Variants in ZNF740 observed in about 807,000 individuals in gnomAD.
ZNF740 encodes the protein oriLyt TD-element-binding protein 7.
Under a neutral mutation model 24.8 loss-of-function variants are expected in ZNF740, and 14 were observed. That is an observed-to-expected ratio of 0.56 (90% CI 0.37 to 0.88). ZNF740 has a LOEUF of 0.88. Among genes scored for constraint, ZNF740 ranks in the 40% least tolerant of loss-of-function variants. The pLI, the probability that ZNF740 is intolerant of heterozygous loss-of-function variation, is 0.00. For missense variants in ZNF740, 201 were observed against 247.9 expected, an observed-to-expected ratio of 0.81 and a Z score of 1.27; for synonymous variants, 69 against 84.0, an observed-to-expected ratio of 0.82 and a Z score of 0.98.
intron 1 of ZNF740, chr12:53,181,253 G>A: frequency 2.0e-6 from 2 of 985,458 alleles, no homozygotes; most frequent in Non-Finnish European, 2.4e-6. Flanking sequence ...GAACGCACAC[G>A]TGTGGGCACT....
chr12:53,184,114 GGTGTGT>G (rs754768891), intron 2 of ZNF740, among the ~76,000 whole-genome samples: 2,904 of 123,560 alleles, frequency 0.024, 44 homozygotes, highest in Middle Eastern at 0.04. Flanking sequence ...GAAGCTAAGG[GGTGTGT>G]GTGTGTGTGT....
chr12:53,184,447 A>G (rs1435214890), intron 2 of ZNF740, among the ~76,000 whole-genome samples: 1 of 152,012 alleles, frequency 6.6e-6, no homozygotes, highest in Non-Finnish European at 1.5e-5. Flanking sequence ...CATTCTCCCA[A>G]AGTGCTGGGA....
At chr12:53,183,235 G>A (rs188440717) in intron 2 of ZNF740, among the ~76,000 whole-genome samples, 14 of 152,272 alleles carry the variant, frequency 9.2e-5, no homozygotes, top group Non-Finnish European at 1.6e-4. Flanking sequence ...AGCGTTTTAC[G>A]TCTTAGTTTA....
chr12:53,193,937 C>T lies in ZNF740; in HGVS notation c.*6347C>T, dbSNP rs937104628. The T allele has an allele frequency of 1.3e-6, 2 of 1,562,736 alleles. No individual in the cohort carries two copies. Among genetic ancestry groups the T allele is most frequent in the African/African-American group, 1.4e-5 (1 of 73,210 alleles). ...GCAGGAATCAGGCCATGGTTATACACATGCACACACACATACCCCAAACTC... is the reference window on the plus strand; with the variant it reads ...GCAGGAATCAGGCCATGGTTATACATATGCACACACACATACCCCAAACTC... On this transcript the variant is annotated 3_prime_UTR_variant, in exon 7 of 7. Transcript: ENST00000416904.
Position 53,187,557 on chromosome 12 carries a change from G to A in ZNF740, c.549G>A (p.Gln183=). 6.2e-7 allele frequency: 1 copy of A among 1,614,036 alleles called. No individual in the cohort carries two copies. The highest frequency in any genetic ancestry group is 1.1e-5 in the South Asian group (1 of 91,088). Residue 183 remains glutamine (Q), a synonymous_variant, in exon 7 of 7, where the codon CAG becomes CAA. Transcript: ENST00000416904. The part of the protein sequence containing the change: ...LRHKRMCQGC[Q]SKTSDGQFSL ...ACAAACGGATGTGCCAAGGGTGCCAGTCCAAGACTTCCGACGGGCAGTTTT... is the reference window on the plus strand; with the variant it reads ...ACAAACGGATGTGCCAAGGGTGCCAATCCAAGACTTCCGACGGGCAGTTTT...
chr12:53,182,582 A>G (rs188911208), intron 2 of ZNF740, among the ~76,000 whole-genome samples: 5 of 152,224 alleles, frequency 3.3e-5, no homozygotes, highest in Admixed American at 6.5e-5. Flanking sequence ...TGGATAGAAA[A>G]AGAAGATGGA....
rs139168156 is a variant in ZNF740, at chr12:53,191,038, G to A, written c.*3448G>A. 513 of 176,398 alleles carry A rather than the reference G, an allele frequency of 2.9e-3. 8 individuals carry two copies. Among genetic ancestry groups the A allele is most frequent in the Non-Finnish European group, 8.8e-4 (71 of 80,798 alleles). The allele number at this position is 176,398 out of a possible 1,614,324, so 10.9% of individuals were successfully genotyped here. ...ACAGGGCATCAGTTCTGAGCAAGAC[G>A]AAAAAGCACACGCAGCAGGACGGAA... On this transcript the variant is annotated 3_prime_UTR_variant, in exon 7 of 7. Transcript: ENST00000416904.
Position 53,193,001 on chromosome 12 carries a change from T to C in ZNF740, c.*5411T>C. On this transcript the variant is annotated 3_prime_UTR_variant, in exon 7 of 7. Transcript: ENST00000416904. Reference sequence around the variant, plus strand: ...CGACAAGCCCACGCATCCAATCTTTTTGAAGTATGCCAACCACACCCTCTA... The same window carrying C: ...CGACAAGCCCACGCATCCAATCTTTCTGAAGTATGCCAACCACACCCTCTA... 1.4e-6 allele frequency: 2 copies of C among 1,416,038 alleles called. No individual in the cohort carries two copies. Among genetic ancestry groups the C allele is most frequent in the South Asian group, 1.2e-5 (1 of 82,304 alleles). The allele number at this position is 1,416,038 out of a possible 1,614,324, so 87.7% of individuals were successfully genotyped here. A position where few individuals can be genotyped will look rare whatever the true frequency, so the allele number is the denominator to read the frequency against.
intron 2 of ZNF740, 122 bp downstream of exon 2, chr12:53,182,114 C>G: frequency 1.5e-6 from 2 of 1,376,306 alleles, no homozygotes; most frequent in African/African-American, 2.9e-5. Flanking sequence ...TATTAAGCAC[C>G]AGGGGGAGAT....
intron 2 of ZNF740, 125 bp from the exon 3 acceptor site, chr12:53,184,766 G>A: frequency 1.8e-6 from 2 of 1,130,096 alleles, no homozygotes; most frequent in South Asian, 3.0e-5. Flanking sequence ...TTGGCAGTGA[G>A]GAGGGACATT....
chr12:53,191,670 T>C lies in ZNF740; in HGVS notation c.*4080T>C, dbSNP rs1941949140. ...AGATGTTGCAGATTATAAGCAAAAATCCCAGGATTCCTCGTCCCCTTTCTA... is the reference window on the plus strand; with the variant it reads ...AGATGTTGCAGATTATAAGCAAAAACCCCAGGATTCCTCGTCCCCTTTCTA... On this transcript the variant is annotated 3_prime_UTR_variant, in exon 7 of 7. Coordinates refer to ENST00000416904, the MANE Select transcript of ZNF740 (RefSeq NM_001004304.4). 1 of 1,588,064 alleles carries C rather than the reference T, an allele frequency of 6.3e-7. No homozygotes were observed. The highest frequency in any genetic ancestry group is 1.3e-5 in the African/African-American group (1 of 74,438).
rs59250662 is a variant in ZNF740 at position 53,184,150 on chromosome 12, T to TGTGTGCGCGCGCGC, written c.10-740_10-739insTGTGCGCGCGCGCG. 3.3e-4 allele frequency among the ~76,000 whole-genome samples: 34 copies of TGTGTGCGCGCGCGC among 104,422 alleles called. 1 individual carries two copies. Among genetic ancestry groups the TGTGTGCGCGCGCGC allele is most frequent in the African/African-American group, 1.2e-3 (31 of 26,778 alleles). The allele number at this position is 104,422 out of a possible 152,430, so 68.5% of individuals were successfully genotyped here. On this transcript the variant is annotated intron_variant, in intron 2 of 6. Coordinates refer to ENST00000416904, the MANE Select transcript of ZNF740 (RefSeq NM_001004304.4). ...GTGTGTGTGTGTGTGTGTGTGTGTG[T>TGTGTGCGCGCGCGC]GCGCGCGCGCGCTCTGAAGCTAAGG...
In ZNF740 at chr12:53,193,261, G is replaced by A; in HGVS notation, c.*5671G>A. On this transcript the variant is annotated 3_prime_UTR_variant, in exon 7 of 7. Coordinates refer to ENST00000416904, the MANE Select transcript of ZNF740 (RefSeq NM_001004304.4). Reference sequence around the variant, plus strand: ...GACAGTGACCCTTTCCACTGCACAGGGGCCCTGTGCCATTGGGAGCCCGGC... The same window carrying A: ...GACAGTGACCCTTTCCACTGCACAGAGGCCCTGTGCCATTGGGAGCCCGGC... 1 of 1,614,074 alleles carries A rather than the reference G, an allele frequency of 6.2e-7. No homozygotes were observed. The highest frequency in any genetic ancestry group is 8.5e-7 in the Non-Finnish European group (1 of 1,179,940).
Position 53,184,150 on chromosome 12 carries a change from T to TGTGTGTGTGTGTGCGC in ZNF740, c.10-740_10-739insTGTGTGTGTGTGCGCG, listed in dbSNP as rs59250662. 7.9e-4 allele frequency among the ~76,000 whole-genome samples: 82 copies of TGTGTGTGTGTGTGCGC among 104,414 alleles called. 1 individual carries two copies. Among genetic ancestry groups the TGTGTGTGTGTGTGCGC allele is most frequent in the South Asian group, 3.0e-3 (10 of 3,326 alleles). The allele number at this position is 104,414 out of a possible 152,430, so 68.5% of individuals were successfully genotyped here. Reference sequence around the variant, plus strand: ...GTGTGTGTGTGTGTGTGTGTGTGTGTGCGCGCGCGCGCTCTGAAGCTAAGG... The same window carrying TGTGTGTGTGTGTGCGC: ...GTGTGTGTGTGTGTGTGTGTGTGTGTGTGTGTGTGTGTGCGCGCGCGCGCGCGCTCTGAAGCTAAGG... On this transcript the variant is annotated intron_variant, in intron 2 of 6. Coordinates refer to ENST00000416904, the MANE Select transcript of ZNF740 (RefSeq NM_001004304.4).
chr12:53,193,823 A>G lies in ZNF740; in HGVS notation c.*6233A>G. 6.2e-7 allele frequency: 1 copy of G among 1,614,086 alleles called. No individual in the cohort carries two copies. Among genetic ancestry groups the G allele is most frequent in the African/African-American group, 1.3e-5 (1 of 74,994 alleles). On this transcript the variant is annotated 3_prime_UTR_variant, in exon 7 of 7. Coordinates refer to ENST00000416904, the MANE Select transcript of ZNF740 (RefSeq NM_001004304.4). Reference sequence around the variant, plus strand: ...TGCAACTCCACAATCAGCTCCTCTGAGAAGCCAAGGGCCCGGAGCCTCAGG... The same window carrying G: ...TGCAACTCCACAATCAGCTCCTCTGGGAAGCCAAGGGCCCGGAGCCTCAGG...
chr12:53,195,119 A>G lies in ZNF740; in HGVS notation c.*7529A>G. The G allele has an allele frequency of 1.9e-6, 1 of 525,636 alleles. No individual in the cohort carries two copies. Among genetic ancestry groups the G allele is most frequent in the East Asian group, 3.2e-5 (1 of 31,696 alleles). 32.6% of individuals were successfully genotyped at this position (525,636 alleles called of 1,614,324 possible). A position where few individuals can be genotyped will look rare whatever the true frequency, so the allele number is the denominator to read the frequency against. ...ACCTAGGATGGTGGGCGCATGAAAT[A>G]AAAGCTCAGTGATTGAAACTTTCCT... On this transcript the variant is annotated 3_prime_UTR_variant, in exon 7 of 7. Coordinates refer to ENST00000416904, the MANE Select transcript of ZNF740 (RefSeq NM_001004304.4).
In ZNF740 at chr12:53,187,727, G is replaced by A; in HGVS notation, c.*137G>A. On this transcript the variant is annotated 3_prime_UTR_variant, in exon 7 of 7. Transcript: ENST00000416904. ...GGAGTGGACCCAGGAGACCAGAAGA[G>A]TGCATCAGGGGACAGTGGCCCCAGA... 1.5e-6 allele frequency: 1 copy of A among 668,790 alleles called. No individual in the cohort carries two copies. The highest frequency in any genetic ancestry group is 2.7e-6 in the Non-Finnish European group (1 of 375,200). 41.4% of individuals were successfully genotyped at this position (668,790 alleles called of 1,614,324 possible).
chr12:53,184,150 T>TGTGTGTGCGCGC (rs59250662), intron 2 of ZNF740, among the ~76,000 whole-genome samples: 21 of 104,426 alleles, frequency 2.0e-4, no homozygotes, highest in African/African-American at 3.7e-4. Context: ...TGTGTGTGTG[T>TGTGTGTGCGCGC]GCGCGCGCGC....
At position 53,190,497 on chromosome 12, in the gene ZNF740, C is replaced by T. The variant is rs1941912005; in HGVS notation, c.*2907C>T. ...CTGCTTTGCCCCAAGTCTTTTCCGT[C>T]CACCCCCAACAGCCTTGTCATCACT... On this transcript the variant is annotated 3_prime_UTR_variant, in exon 7 of 7. Coordinates refer to ENST00000416904, the MANE Select transcript of ZNF740 (RefSeq NM_001004304.4). 6.5e-6 allele frequency: 1 copy of T among 152,828 alleles called. No homozygotes were observed. Among genetic ancestry groups the T allele is most frequent in the Admixed American group, 6.5e-5 (1 of 15,272 alleles). 9.5% of individuals were successfully genotyped at this position (152,828 alleles called of 1,614,324 possible).
Sources: allele counts gnomAD v4.1 joint callset (sites outside exome capture counted in the v4.1 genomes callset), GRCh38; gene constraint gnomAD v4.1.1; transcripts MANE v1.5; gene names NCBI Gene and HGNC (gene_info 2026-07-23, HGNC 2026-07-21).